The following MYO3A variants were observed in gnomAD, a reference collection of about 807,000 sequenced individuals.
The protein encoded by MYO3A is myosin IIIA.
A neutral mutation model predicts 192.7 loss-of-function variants in MYO3A; 180 were observed. That is an observed-to-expected ratio of 0.93 (90% CI 0.83 to 1.06). The LOEUF is 1.06. Ranked by LOEUF, MYO3A falls within the 50% of genes least tolerant of loss-of-function variation. The pLI is 0.00. For synonymous variants in MYO3A, 628 were observed against 645.3 expected (o/e 0.97, Z 0.41); for missense variants, 1,896 against 1,905.0 (o/e 1.00, Z 0.09).
intron 17 of MYO3A, among the ~76,000 whole-genome samples, chr10:26,107,731 C>A (rs1837909590): frequency 6.6e-6 from 1 of 151,746 alleles, no homozygotes; most frequent in Admixed American, 6.6e-5. Flanking sequence ...TTTCCTTTCT[C>A]ATTCCAAATA....
intron 17 of MYO3A, among the ~76,000 whole-genome samples, chr10:26,105,934 T>C (rs1209354171): frequency 6.6e-6 from 1 of 152,118 alleles, no homozygotes; most frequent in Non-Finnish European, 1.5e-5. Context: ...TATTAAGGCC[T>C]TATATGACAT....
At chr10:25,971,111 A>G (rs565095731) in intron 4 of MYO3A, among the ~76,000 whole-genome samples, 7 of 152,024 alleles carry the variant, frequency 4.6e-5, no homozygotes, top group African/African-American at 1.7e-4. Flanking sequence ...CATTTTTTTT[A>G]TATTTTAAAG....
intron 32 of MYO3A, among the ~76,000 whole-genome samples, chr10:26,198,488 C>T (rs80033417): frequency 0.012 from 1,888 of 152,280 alleles, 32 homozygotes; most frequent in Non-Finnish European, 0.02. Flanking sequence ...CAGTACTTTC[C>T]CTGAACTACA....
intron 31 of MYO3A, among the ~76,000 whole-genome samples, chr10:26,181,010 A>G (rs1842596127): frequency 6.6e-6 from 1 of 152,164 alleles, no homozygotes; most frequent in Admixed American, 6.5e-5. Flanking sequence ...ATAATGCTAT[A>G]ATAATTAAAA....
chr10:26,123,749 A>G (rs1268496795), intron 18 of MYO3A, among the ~76,000 whole-genome samples: 1 of 152,062 alleles, frequency 6.6e-6, no homozygotes, highest in Non-Finnish European at 1.5e-5. Flanking sequence ...ACACAGTGAA[A>G]CCCCGTCTCT....
At chr10:26,085,077 C>T (rs1836224833) in intron 14 of MYO3A, among the ~76,000 whole-genome samples, 1 of 152,010 alleles carries the variant, frequency 6.6e-6, no homozygotes, top group Non-Finnish European at 1.5e-5. Flanking sequence ...CCCTATGATC[C>T]TTTTTATTTC....
chr10:26,080,899 G>A (rs1191134731), intron 14 of MYO3A, among the ~76,000 whole-genome samples: 5 of 152,164 alleles, frequency 3.3e-5, no homozygotes, highest in East Asian at 1.9e-4. Flanking sequence ...GTCCTGTGAT[G>A]TAAACCATCT....
intron 30 of MYO3A, 53 bp downstream of exon 30, chr10:26,174,610 A>G: frequency 6.9e-7 from 1 of 1,440,004 alleles, no homozygotes; most frequent in Non-Finnish European, 9.7e-7. Flanking sequence ...GAACTATACA[A>G]TAACTGAATT....
At chr10:26,031,486 C>A (rs1424187988) in intron 10 of MYO3A, among the ~76,000 whole-genome samples, 2 of 152,206 alleles carry the variant, frequency 1.3e-5, no homozygotes, top group African/African-American at 4.8e-5. Flanking sequence ...AGGTCACAGG[C>A]CCACACTGTA....
chr10:25,954,183 C>A (rs1174735777), intron 3 of MYO3A, among the ~76,000 whole-genome samples: 1 of 152,050 alleles, frequency 6.6e-6, no homozygotes, highest in African/African-American at 2.4e-5. Flanking sequence ...TATAATAAAA[C>A]AACATAGGCA....
chr10:26,072,388 T>C (rs1260466447), intron 14 of MYO3A, among the ~76,000 whole-genome samples: 1 of 152,148 alleles, frequency 6.6e-6, no homozygotes. Flanking sequence ...AGAACTAGGC[T>C]TTAATCGGGT....
intron 31 of MYO3A, among the ~76,000 whole-genome samples, chr10:26,183,050 A>G (rs1842684433): frequency 6.6e-6 from 1 of 152,168 alleles, no homozygotes. Context: ...CCCAAGGAAA[A>G]TGACAGAAGT....
intron 10 of MYO3A, among the ~76,000 whole-genome samples, chr10:26,037,596 C>CT (rs1308010127): frequency 2.6e-5 from 4 of 152,150 alleles, no homozygotes; most frequent in Non-Finnish European, 5.9e-5. Context: ...AAGAGATTGT[C>CT]TTTTCCCCAC....
chr10:26,101,630 G>A (rs569701035), intron 17 of MYO3A, among the ~76,000 whole-genome samples: 10 of 152,284 alleles, frequency 6.6e-5, no homozygotes, highest in Admixed American at 4.6e-4. Context: ...TGTCTGTAAA[G>A]GATTTTCTTT....
At position 26,088,234 on chromosome 10, in the gene MYO3A, T is replaced by A. The variant is rs1004861956; in HGVS notation, c.1391T>A (p.Leu464Ter). Reference protein sequence around the residue: ...ANNRTLQEKILQVNNLVEAFG... With the variant: ...ANNRTLQEKI ...AACAGAACCTTGCAAGAGAAGATTTTACAAGTGAACAATTTGGTAGAAGCC... is the reference window on the plus strand; with the variant it reads ...AACAGAACCTTGCAAGAGAAGATTTAACAAGTGAACAATTTGGTAGAAGCC... The change falls in exon 15 of 35, where the codon TTA (leucine) becomes TAA (stop). Residue 464 changes from leucine (L) to a stop codon, truncating the protein, a stop_gained. Transcript: ENST00000642920. LOFTEE classifies it high-confidence loss of function. The A allele has an allele frequency of 1.6e-5, 25 of 1,612,456 alleles. No individual in the cohort carries two copies. The highest frequency in any genetic ancestry group is 2.0e-5 in the Non-Finnish European group (23 of 1,179,312).
rs776428448 is a variant in MYO3A, at chr10:26,145,433, T to G, written c.2417-13T>G. 1 of 1,527,532 alleles carries G rather than the reference T, an allele frequency of 6.5e-7. No homozygotes were observed. The highest frequency in any genetic ancestry group is 1.1e-5 in the South Asian group (1 of 89,296). 94.6% of individuals were successfully genotyped at this position (1,527,532 alleles called of 1,614,324 possible). On this transcript the variant is annotated splice_polypyrimidine_tract_variant and intron_variant, in intron 21 of 34. Coordinates refer to ENST00000642920, the MANE Select transcript of MYO3A (RefSeq NM_017433.5). ...ATACATGCTTGATATTTGAGTTCAG[T>G]ATTTTTCTACAGAAAAATTTGAAGG...
Position 26,203,075 on chromosome 10 carries a change from A to T in MYO3A, c.4698A>T (p.Glu1566Asp). The T allele has an allele frequency of 6.2e-7, 1 of 1,613,758 alleles. No homozygotes were observed. Among genetic ancestry groups the T allele is most frequent in the Non-Finnish European group, 8.5e-7 (1 of 1,179,808 alleles). The change falls in exon 34 of 35, where the codon GAA (glutamate) becomes GAT (aspartate). Residue 1566 changes from glutamate to aspartate, a missense_variant. Physicochemically the swap from Glu to Asp is conservative, Grantham distance 45. Coordinates refer to ENST00000642920, the MANE Select transcript of MYO3A (RefSeq NM_017433.5). ...TAAGAGAACGAAGACCACAGCAAGA[A>T]CTCCAGAATCAATGTATTAAGGCTA... ...PSLRERRPQQ[E>D]LQNQCIKANE...
intron 4 of MYO3A, among the ~76,000 whole-genome samples, chr10:25,978,640 A>G (rs966218655): frequency 1.3e-5 from 2 of 152,208 alleles, no homozygotes; most frequent in South Asian, 4.1e-4. Context: ...TATTATTTCT[A>G]TAAAATACTT....
At chr10:26,182,473 G>A (rs887987423) in intron 31 of MYO3A, among the ~76,000 whole-genome samples, 1 of 152,192 alleles carries the variant, frequency 6.6e-6, no homozygotes, top group Non-Finnish European at 1.5e-5. Context: ...GTGTTATGAA[G>A]TATGAGCGGA....
Sources: gnomAD v4.1 joint callset for allele counts (sites outside exome capture counted in the v4.1 genomes callset) on GRCh38, gnomAD v4.1.1 for gene constraint, MANE v1.5 for transcripts, NCBI Gene and HGNC (gene_info 2026-07-23, HGNC 2026-07-21) for gene names.